KIF16B: variants seen among roughly 807,000 people sequenced by gnomAD.
KIF16B encodes kinesin family member 16B.
KIF16B carries 98 observed loss-of-function variants against 156.3 expected under a neutral mutation model. That is an observed-to-expected ratio of 0.63 (90% CI 0.53 to 0.74). The LOEUF is 0.74. KIF16B is among the 30% of genes least tolerant of loss of function. The probability of loss-of-function intolerance (pLI) is 0.00; values close to 1 mark genes in which losing one functional copy is unlikely to be tolerated. For synonymous variants in KIF16B, 564 were observed against 583.7 expected, an observed-to-expected ratio of 0.97 and a Z score of 0.49; for missense variants, 1,421 against 1,606.5, an observed-to-expected ratio of 0.88 and a Z score of 1.97.
intron 25 of KIF16B, among the ~76,000 whole-genome samples, chr20:16,303,933 A>T (rs1387128655): frequency 6.6e-6 from 1 of 152,212 alleles, no homozygotes; most frequent in Non-Finnish European, 1.5e-5. Context: ...TTGGCCGACT[A>T]AAAACACGAT....
chr20:16,307,351 T>G (rs2063555702), intron 25 of KIF16B, among the ~76,000 whole-genome samples: 1 of 152,190 alleles, frequency 6.6e-6, no homozygotes, highest in Non-Finnish European at 1.5e-5. Context: ...AACAGAAAAC[T>G]CATTAACTTG....
chr20:16,500,516 A>T (rs1299070940), intron 10 of KIF16B, among the ~76,000 whole-genome samples: 2 of 152,198 alleles, frequency 1.3e-5, no homozygotes, highest in Admixed American at 1.3e-4. Context: ...GAGAAAGAAG[A>T]GTTAAAATTT....
intron 15 of KIF16B, among the ~76,000 whole-genome samples, chr20:16,415,786 C>T (rs149736325): frequency 6.6e-6 from 1 of 152,230 alleles, no homozygotes; most frequent in East Asian, 1.9e-4. Flanking sequence ...GGGTACATTC[C>T]CCCTTTTCAG....
intron 25 of KIF16B, among the ~76,000 whole-genome samples, chr20:16,289,850 C>G (rs2063287740): frequency 6.6e-6 from 1 of 152,054 alleles, no homozygotes; most frequent in East Asian, 1.9e-4. Context: ...CAAAAACAAA[C>G]AAAGAAAAGA....
At chr20:16,368,281 G>A in intron 22 of KIF16B, 4 of 1,001,678 alleles carry the variant, frequency 4.0e-6, no homozygotes, top group Non-Finnish European at 4.8e-6. Flanking sequence ...TAAACCTGTA[G>A]CTGCAAAGAC....
chr20:16,554,348 G>C (rs999303096), intron 1 of KIF16B, among the ~76,000 whole-genome samples: 7 of 152,106 alleles, frequency 4.6e-5, no homozygotes, highest in African/African-American at 1.7e-4. Context: ...CCCACTCCAG[G>C]GTCTCCTCTC....
chr20:16,368,927 G>A (rs1265774894), intron 22 of KIF16B: 1 of 985,720 alleles, frequency 1.0e-6, no homozygotes, highest in Non-Finnish European at 1.2e-6. Context: ...GACTGACTCT[G>A]AAAATCTTCT....
At chr20:16,367,927 T>C in intron 22 of KIF16B, 1 of 1,463,294 alleles carries the variant, frequency 6.8e-7, no homozygotes, top group Non-Finnish European at 9.0e-7. Context: ...AATCTGAATC[T>C]CCTGTAGACC....
At chr20:16,537,647 A>G (rs568101753) in intron 1 of KIF16B, among the ~76,000 whole-genome samples, 20 of 148,866 alleles carry the variant, frequency 1.3e-4, no homozygotes, top group African/African-American at 4.7e-4. Flanking sequence ...CTTCCCACAT[A>G]CTAAAGTATC....
At chr20:16,294,458 C>T (rs1245161136) in intron 25 of KIF16B, among the ~76,000 whole-genome samples, 2 of 152,172 alleles carry the variant, frequency 1.3e-5, no homozygotes, top group Admixed American at 6.5e-5. Context: ...CTGTGGGTGA[C>T]TCAGTCCTGC....
chr20:16,539,055 C>G (rs1234882173), intron 1 of KIF16B, among the ~76,000 whole-genome samples: 2 of 152,098 alleles, frequency 1.3e-5, no homozygotes, highest in East Asian at 3.9e-4. Flanking sequence ...AAATGATGAG[C>G]CAATTTAACC....
chr20:16,367,671 G>T, intron 22 of KIF16B: 1 of 1,612,550 alleles, frequency 6.2e-7, no homozygotes, highest in Non-Finnish European at 8.5e-7. Flanking sequence ...TCTGGAATTT[G>T]GATGACACCT....
rs978632047 is a variant in KIF16B at position 16,543,795 on chromosome 20, G to T, written c.48-15355C>A. 4.6e-5 allele frequency among the ~76,000 whole-genome samples: 7 copies of T among 152,282 alleles called. No individual in the cohort carries two copies. The South Asian group carries it at 1.2e-3, about 27-fold the overall frequency. ...ACAAGAGATGGACTTGGAAGAAGGA[G>T]ACTTAGCCCATGACATCACCTCACA... On this transcript the variant is annotated intron_variant, in intron 1 of 25. Coordinates refer to ENST00000354981, the MANE Select transcript of KIF16B (RefSeq NM_024704.5).
intron 12 of KIF16B, among the ~76,000 whole-genome samples, chr20:16,447,767 G>GC (rs1252271554): frequency 2.0e-5 from 3 of 152,046 alleles, no homozygotes; most frequent in African/African-American, 7.2e-5. Flanking sequence ...TAACAAACTA[G>GC]AAATATTGGT....
intron 24 of KIF16B, among the ~76,000 whole-genome samples, chr20:16,324,086 T>C (rs2063809091): frequency 6.6e-6 from 1 of 151,970 alleles, no homozygotes; most frequent in East Asian, 1.9e-4. Context: ...ATTTCATTTT[T>C]AAGAACAAAT....
At chr20:16,516,670 C>T (rs1009864540) in intron 3 of KIF16B, among the ~76,000 whole-genome samples, 1 of 152,188 alleles carries the variant, frequency 6.6e-6, no homozygotes, top group African/African-American at 2.4e-5. Flanking sequence ...AGTGACACCA[C>T]ATCAGCCAAC....
chr20:16,529,351 A>C (rs764234746), intron 1 of KIF16B, among the ~76,000 whole-genome samples: 5 of 152,236 alleles, frequency 3.3e-5, no homozygotes, highest in Non-Finnish European at 7.3e-5. Flanking sequence ...ATAATTTAGA[A>C]GTAAGTTGAA....
chr20:16,504,209 C>T (rs1036059689), intron 10 of KIF16B, among the ~76,000 whole-genome samples, 163 bp downstream of exon 10: 7 of 152,138 alleles, frequency 4.6e-5, no homozygotes, highest in Non-Finnish European at 1.0e-4. Context: ...CAAAGGCTGA[C>T]AAGAGGTTGA....
In KIF16B at chr20:16,540,218, C is replaced by T. The variant is rs148894278; in HGVS notation, c.48-11778G>A. On this transcript the variant is annotated intron_variant, in intron 1 of 25. Transcript: ENST00000354981. Reference sequence around the variant, plus strand: ...ATTAATAAAGCCAAAATAATATGCGCGTCTATGATTCTAGATGCACAAAAC... The same window carrying T: ...ATTAATAAAGCCAAAATAATATGCGTGTCTATGATTCTAGATGCACAAAAC... Among the ~76,000 whole-genome samples the T allele has an allele frequency of 8.1e-4, 124 of 152,174 alleles. No individual in the cohort carries two copies. The East Asian group carries it at 9.6e-3, about 12-fold the overall frequency.
Sources: gnomAD v4.1 joint callset for allele counts (sites outside exome capture counted in the v4.1 genomes callset) on GRCh38, gnomAD v4.1.1 for gene constraint, MANE v1.5 for transcripts, NCBI Gene and HGNC (gene_info 2026-07-23, HGNC 2026-07-21) for gene names.